The following CDH13 variants were observed in gnomAD, a reference collection of about 807,000 sequenced individuals.
CDH13 encodes the protein cadherin-13.
In CDH13, 24 loss-of-function variants were observed where a neutral mutation model predicts 63.8. The observed-to-expected ratio is 0.38, with a 90% confidence interval of 0.27 to 0.53. CDH13 has a LOEUF of 0.53. Among genes scored for constraint, CDH13 ranks in the 20% least tolerant of loss-of-function variants. The pLI is 0.85. For synonymous variants in CDH13, 503 were observed against 355.3 expected (o/e 1.42, Z -4.67); for missense variants, 1,049 against 903.1 (o/e 1.16, Z -2.07).
At chr16:82,918,551 C>T (rs189902975) in intron 2 of CDH13, among the ~76,000 whole-genome samples, 1 of 149,052 alleles carries the variant, frequency 6.7e-6, no homozygotes, top group African/African-American at 2.5e-5. Context: ...CTCTGTCACC[C>T]AGGCTGGAGT....
Position 83,079,038 on chromosome 16 carries a change from G to A in CDH13, c.367-46347G>A, listed in dbSNP as rs550938389. On this transcript the variant is annotated intron_variant, in intron 3 of 13. Coordinates refer to ENST00000567109, the MANE Select transcript of CDH13 (RefSeq NM_001257.5). ...TTGAACTCCTGACCTCAGGTGATCTGCCTACCTCAGCCTACGAAAGTGCTG... is the reference window on the plus strand; with the variant it reads ...TTGAACTCCTGACCTCAGGTGATCTACCTACCTCAGCCTACGAAAGTGCTG... 7.8e-4 allele frequency among the ~76,000 whole-genome samples: 119 copies of A among 152,248 alleles called. 1 individual carries two copies. The highest frequency in any genetic ancestry group is 2.8e-3 in the African/African-American group (115 of 41,544).
At chr16:82,878,480 CTG>C (rs1332023829) in intron 2 of CDH13, among the ~76,000 whole-genome samples, 2 of 108,990 alleles carry the variant, frequency 1.8e-5, no homozygotes, top group African/African-American at 6.5e-5. Context: ...AAGGTTGTCT[CTG>C]TTACTTGAGG....
chr16:83,325,978 A>G (rs2090350968), intron 5 of CDH13, among the ~76,000 whole-genome samples: 1 of 152,164 alleles, frequency 6.6e-6, no homozygotes, highest in South Asian at 2.1e-4. Context: ...ACTGAAAGAG[A>G]AAAAAGGTGA....
chr16:82,877,646 A>G lies in CDH13; in HGVS notation c.157+19173A>G, dbSNP rs549628339. Among the ~76,000 whole-genome samples, 69 of 152,264 alleles carry G rather than the reference A, an allele frequency of 4.5e-4. 1 individual carries two copies. The highest frequency in any genetic ancestry group is 1.6e-3 in the African/African-American group (65 of 41,554). On this transcript the variant is annotated intron_variant, in intron 2 of 13. Transcript: ENST00000567109. ...TGTTTTGTTTTTTAATTTAAACTGT[A>G]GGCCCTCTCAAGTCTTTATGATGTG...
chr16:82,775,358 A>G (rs2035446976), intron 1 of CDH13, among the ~76,000 whole-genome samples: 1 of 152,186 alleles, frequency 6.6e-6, no homozygotes, highest in African/African-American at 2.4e-5. Flanking sequence ...GTCCAGTTAT[A>G]TTACTTACCA....
chr16:83,587,029 C>A (rs3934664), intron 7 of CDH13, among the ~76,000 whole-genome samples: 135,965 of 152,234 alleles, frequency 0.89, 61,799 homozygotes, highest in Non-Finnish European at 0.97. Flanking sequence ...TTACTCTCTC[C>A]GTGGGCTCCT....
intron 10 of CDH13, among the ~76,000 whole-genome samples, chr16:83,738,619 G>C (rs9924556): frequency 0.22 from 33,810 of 152,064 alleles, 4,145 homozygotes; most frequent in East Asian, 0.55. Flanking sequence ...GAATTAAAAG[G>C]GTTTTGGGCC....
intron 5 of CDH13, among the ~76,000 whole-genome samples, chr16:83,253,707 A>G (rs8051385): frequency 0.99 from 150,709 of 152,352 alleles, 74,568 homozygotes; most frequent in Middle Eastern, 1. Context: ...TACACAGGAC[A>G]TGCTTAGACA....
intron 4 of CDH13, among the ~76,000 whole-genome samples, chr16:83,150,339 A>G (rs558860700): frequency 2.6e-5 from 4 of 152,122 alleles, no homozygotes; most frequent in Non-Finnish European, 5.9e-5. Context: ...GCCTATGCCT[A>G]TATCTGTGTC....
chr16:83,441,352 A>G (rs897824443), intron 6 of CDH13, among the ~76,000 whole-genome samples: 1 of 152,206 alleles, frequency 6.6e-6, no homozygotes, highest in African/African-American at 2.4e-5. Context: ...TACATTTACA[A>G]TTGGCAAAAT....
At chr16:82,867,480 A>G (rs1315538868) in intron 2 of CDH13, among the ~76,000 whole-genome samples, 1 of 152,084 alleles carries the variant, frequency 6.6e-6, no homozygotes, top group East Asian at 1.9e-4. Context: ...ATTGTCCATG[A>G]CCCTTAACTC....
intron 2 of CDH13, among the ~76,000 whole-genome samples, chr16:82,980,482 T>C (rs375343641): frequency 1.3e-5 from 2 of 152,198 alleles, no homozygotes; most frequent in Non-Finnish European, 2.9e-5. Flanking sequence ...CACAACACAG[T>C]ATTATAAGTT....
chr16:83,235,370 G>C (rs115405907), intron 5 of CDH13, among the ~76,000 whole-genome samples: 2,277 of 152,240 alleles, frequency 0.015, 58 homozygotes, highest in African/African-American at 0.052. Flanking sequence ...ATCCACCATA[G>C]AGCGTTGCTA....
intron 8 of CDH13, among the ~76,000 whole-genome samples, chr16:83,614,653 G>T (rs1424826729): frequency 6.6e-6 from 1 of 152,140 alleles, no homozygotes; most frequent in Non-Finnish European, 1.5e-5. Flanking sequence ...CCATATCCTG[G>T]TTGTTCTAGA....
chr16:83,761,717 C>G (rs965783699), intron 11 of CDH13, among the ~76,000 whole-genome samples: 1 of 152,150 alleles, frequency 6.6e-6, no homozygotes, highest in South Asian at 2.1e-4. Context: ...CGGAACTTAG[C>G]ATATTTAAGA....
At chr16:83,231,786 C>T (rs548367861) in intron 5 of CDH13, among the ~76,000 whole-genome samples, 1 of 152,176 alleles carries the variant, frequency 6.6e-6, no homozygotes, top group African/African-American at 2.4e-5. Flanking sequence ...GGATGTTTGT[C>T]CCCTCCACAT....
chr16:82,818,075 CAT>C (rs1036852083), intron 1 of CDH13, among the ~76,000 whole-genome samples: 28 of 151,040 alleles, frequency 1.9e-4, no homozygotes, highest in African/African-American at 4.7e-4. Context: ...ACAATGCACA[CAT>C]GTTTATATAT....
intron 7 of CDH13, among the ~76,000 whole-genome samples, chr16:83,551,174 C>T (rs542984014): frequency 1.4e-4 from 22 of 152,128 alleles, no homozygotes; most frequent in Middle Eastern, 3.4e-3. Flanking sequence ...CTCCGCCTCC[C>T]GGGTTCAAGT....
intron 8 of CDH13, among the ~76,000 whole-genome samples, chr16:83,606,064 TA>T (rs1908302147): frequency 6.6e-6 from 1 of 152,130 alleles, no homozygotes; most frequent in South Asian, 2.1e-4. Flanking sequence ...CAGGATGCCC[TA>T]GAAACAGAGA....
Sources: allele counts gnomAD v4.1 joint callset (sites outside exome capture counted in the v4.1 genomes callset), GRCh38; gene constraint gnomAD v4.1.1; transcripts MANE v1.5; gene names NCBI Gene and HGNC (gene_info 2026-07-23, HGNC 2026-07-21).